Variants in PCDHA10 observed in about 807,000 individuals in gnomAD.
PCDHA10 encodes protocadherin alpha 10.
Under a neutral mutation model 61.2 loss-of-function variants are expected in PCDHA10, and 45 were observed. The observed-to-expected ratio is 0.74, with a 90% CI of 0.58 to 0.94. The LOEUF (loss-of-function observed/expected upper bound fraction) is 0.94. Ranked by LOEUF, PCDHA10 falls within the 40% of genes least tolerant of loss-of-function variation. The pLI is 0.00. For synonymous variants in PCDHA10, 602 were observed against 548.8 expected (o/e 1.10, Z -1.35); for missense variants, 1,278 against 1,236.2 (o/e 1.03, Z -0.51).
At chr5:140,896,398 A>T (rs1322743669) in intron 1 of PCDHA10, among the ~76,000 whole-genome samples, 3 of 151,946 alleles carry the variant, frequency 2.0e-5, no homozygotes, top group African/African-American at 7.3e-5. Context: ...AGCATCTGTT[A>T]TTTTTGACTT....
chr5:140,997,565 A>T (rs552009994), intron 3 of PCDHA10, among the ~76,000 whole-genome samples: 1 of 152,174 alleles, frequency 6.6e-6, no homozygotes, highest in Non-Finnish European at 1.5e-5. Context: ...CAACTGTCAT[A>T]TGTGTGGTCC....
rs78805068 is a variant in PCDHA10, at chr5:140,928,696, C to T, written c.2389-50253C>T. On this transcript the variant is annotated intron_variant, in intron 1 of 3. Transcript: ENST00000307360. ...TGCCTGGCTTTCCTACCACATCTCC[C>T]GGGCGTCTGACTCTAGTCTCTTTAG... The T allele has an allele frequency of 3.2e-3, 5,185 of 1,614,146 alleles. 27 individuals carry two copies. The highest frequency in any genetic ancestry group is 0.019 in the African/African-American group (1,449 of 75,020).
At chr5:140,937,238 C>T (rs1339814732) in intron 1 of PCDHA10, among the ~76,000 whole-genome samples, 1 of 151,920 alleles carries the variant, frequency 6.6e-6, no homozygotes, top group Admixed American at 6.6e-5. Flanking sequence ...GGGGTTTCAC[C>T]GTGTTAGCCA....
At chr5:140,923,266 T>C (rs184590818) in intron 1 of PCDHA10, among the ~76,000 whole-genome samples, 1 of 152,284 alleles carries the variant, frequency 6.6e-6, no homozygotes, top group African/African-American at 2.4e-5. Context: ...TAGTGAGACC[T>C]TGTCTCTACA....
chr5:140,964,560 TGGGAGGAGATAAG>T (rs2095840156), intron 1 of PCDHA10, among the ~76,000 whole-genome samples: 1 of 152,082 alleles, frequency 6.6e-6, no homozygotes, highest in Admixed American at 6.6e-5. Context: ...CTTGGAGGGC[TGGGAGGAGATAAG>T]GGGAGGAAAG....
intron 1 of PCDHA10, chr5:140,927,163 GC>G: frequency 6.2e-7 from 1 of 1,614,176 alleles, no homozygotes; most frequent in East Asian, 2.2e-5. Flanking sequence ...CAGGGCCAAA[GC>G]TGCCTGCGTC....
intron 1 of PCDHA10, among the ~76,000 whole-genome samples, chr5:140,978,211 A>T (rs185344384): frequency 1.3e-5 from 2 of 152,340 alleles, no homozygotes; most frequent in African/African-American, 4.8e-5. Flanking sequence ...AACTAATGCA[A>T]AATGTATCAG....
chr5:140,981,446 T>C (rs1586884316), intron 2 of PCDHA10, among the ~76,000 whole-genome samples: 4 of 152,058 alleles, frequency 2.6e-5, no homozygotes, highest in Admixed American at 1.3e-4. Context: ...TGGTGGCGGG[T>C]GCCTGTAGTC....
At chr5:141,005,796 AAC>A (rs2098240426) in intron 3 of PCDHA10, among the ~76,000 whole-genome samples, 1 of 151,400 alleles carries the variant, frequency 6.6e-6, no homozygotes, top group Admixed American at 6.6e-5. Flanking sequence ...AGGCAAAAAC[AAC>A]TCCAAGGAGC....
chr5:140,962,061 T>C (rs1554225775), intron 1 of PCDHA10, among the ~76,000 whole-genome samples: 2 of 151,824 alleles, frequency 1.3e-5, no homozygotes, highest in Non-Finnish European at 1.5e-5. Context: ...TTTTTTTGTA[T>C]TTTTTAGTAG....
At chr5:141,000,950 T>C (rs781867970) in intron 3 of PCDHA10, among the ~76,000 whole-genome samples, 2 of 152,214 alleles carry the variant, frequency 1.3e-5, no homozygotes, top group Non-Finnish European at 2.9e-5. Flanking sequence ...ATTATCTTGC[T>C]GTAATTTAAG....
intron 1 of PCDHA10, among the ~76,000 whole-genome samples, chr5:140,976,475 C>T (rs1160749030): frequency 1.3e-5 from 2 of 151,996 alleles, no homozygotes; most frequent in Non-Finnish European, 1.5e-5. Flanking sequence ...TGCTTGAATC[C>T]GGGAGGCAGA....
Position 140,856,776 on chromosome 5 carries a change from G to A in PCDHA10, c.728G>A (p.Arg243Lys). The A allele has an allele frequency of 6.3e-7, 1 of 1,596,678 alleles. No homozygotes were observed. Among genetic ancestry groups the A allele is most frequent in the Non-Finnish European group, 8.6e-7 (1 of 1,166,686 alleles). The change falls in exon 1 of 4, where the codon AGA (arginine) becomes AAA (lysine). Residue 243 changes from arginine (R) to lysine (K), a missense_variant. Transcript: ENST00000307360. ...DANDNAPIFD[R>K]PVYEVKMYEN... is the part of the protein sequence containing the mutation. ...AATGATAACGCCCCTATCTTTGACA[G>A]ACCGGTTTATGAAGTTAAGATGTAT...
intron 1 of PCDHA10, among the ~76,000 whole-genome samples, chr5:140,918,298 A>G (rs2078622610): frequency 6.6e-6 from 1 of 152,150 alleles, no homozygotes; most frequent in Non-Finnish European, 1.5e-5. Context: ...GGCAGAGAAT[A>G]TAGGGTTTTC....
chr5:140,972,884 G>A (rs763416041), intron 1 of PCDHA10, among the ~76,000 whole-genome samples: 4 of 151,972 alleles, frequency 2.6e-5, no homozygotes, highest in African/African-American at 7.3e-5. Flanking sequence ...GGATGGTCTC[G>A]ATCTCTTGAC....
chr5:140,884,433 G>T, intron 1 of PCDHA10: 1 of 1,613,908 alleles, frequency 6.2e-7, no homozygotes, highest in Admixed American at 1.7e-5. Context: ...ACTGCGCTGC[G>T]GTGCTCGGCA....
intron 1 of PCDHA10, among the ~76,000 whole-genome samples, chr5:140,943,825 T>C (rs1421631991): frequency 6.6e-6 from 1 of 152,128 alleles, no homozygotes; most frequent in East Asian, 1.9e-4. Context: ...GAAAATGAGT[T>C]GATTGAAGTT....
At chr5:140,918,793 A>G (rs155800) in intron 1 of PCDHA10, among the ~76,000 whole-genome samples, 49,687 of 146,416 alleles carry the variant, frequency 0.34, 8,402 homozygotes, top group East Asian at 0.54. Context: ...GACACAGCAA[A>G]AATGTGACAT....
intron 2 of PCDHA10, among the ~76,000 whole-genome samples, chr5:140,979,831 A>G (rs1401761792): frequency 5.3e-5 from 8 of 152,236 alleles, no homozygotes; most frequent in African/African-American, 1.9e-4. Context: ...TTAAAGAAGA[A>G]ATAATCTTCA....
Sources: gnomAD v4.1 joint callset for allele counts (sites outside exome capture counted in the v4.1 genomes callset) on GRCh38, gnomAD v4.1.1 for gene constraint, MANE v1.5 for transcripts, NCBI Gene and HGNC (gene_info 2026-07-23, HGNC 2026-07-21) for gene names.